Variants in NAT10 observed in about 807,000 individuals in gnomAD.
NAT10 encodes the protein N-acetyltransferase 10.
NAT10 carries 109 observed loss-of-function variants against 132.2 expected under a neutral mutation model. That is an observed-to-expected ratio of 0.82 (90% CI 0.71 to 0.97). NAT10 has a LOEUF of 0.97. Ranked by LOEUF, NAT10 falls within the 50% of genes least tolerant of loss-of-function variation. The pLI is 0.00. For synonymous variants in NAT10, 479 were observed against 478.0 expected (o/e 1.00, Z -0.03); for missense variants, 1,184 against 1,263.4 (o/e 0.94, Z 0.95).
rs374360842 is a variant in NAT10 at position 34,141,049 on chromosome 11, G to A, written c.2593-40G>A. The A allele has an allele frequency of 7.4e-5, 120 of 1,613,114 alleles. No homozygotes were observed. In the Middle Eastern group the frequency reaches 8.2e-4, roughly 11 times the overall value. ...TGGCGCCATTTTAATGGGCAAGGGC[G>A]TGTCCTAGAGGCCCACCCAGCAGAT... On this transcript the variant is annotated intron_variant, in intron 24 of 28. Transcript: ENST00000257829.
At chr11:34,111,266 A>T (rs990806382) in intron 3 of NAT10, among the ~76,000 whole-genome samples, 3 of 152,240 alleles carry the variant, frequency 2.0e-5, no homozygotes, top group Non-Finnish European at 4.4e-5. Context: ...CACGGGCTTA[A>T]GGCCTGAGCC....
Position 34,141,073 on chromosome 11 carries a change from A to G in NAT10, c.2593-16A>G. 1.2e-6 allele frequency: 2 copies of G among 1,613,636 alleles called. No individual in the cohort carries two copies. Among genetic ancestry groups the G allele is most frequent in the Non-Finnish European group, 1.7e-6 (2 of 1,179,900 alleles). ...CGTGTCCTAGAGGCCCACCCAGCAG[A>G]TTTTCCATCCTTTAGGCTCTTCTCT... On this transcript the variant is annotated splice_polypyrimidine_tract_variant and intron_variant, in intron 24 of 28. Transcript: ENST00000257829.
At chr11:34,122,620 G>A in intron 9 of NAT10, 28 bp downstream of exon 9, 6 of 1,611,850 alleles carry the variant, frequency 3.7e-6, no homozygotes, top group Non-Finnish European at 5.1e-6. Flanking sequence ...CCCATCTTTA[G>A]GAACTCTGGG....
At chr11:34,106,377 T>C (rs1229011480) in intron 1 of NAT10, among the ~76,000 whole-genome samples, 1 of 151,856 alleles carries the variant, frequency 6.6e-6, no homozygotes, top group African/African-American at 2.4e-5. Context: ...CAGCCCATAG[T>C]AATCTCAGCC....
At chr11:34,134,628 G>T in intron 18 of NAT10, 42 bp downstream of exon 18, 1 of 1,594,418 alleles carries the variant, frequency 6.3e-7, no homozygotes, top group Non-Finnish European at 8.6e-7. Flanking sequence ...GTTGCTGGCG[G>T]TGCTTTAGGG....
chr11:34,108,137 C>T, intron 1 of NAT10, 74 bp from the exon 2 acceptor site: 1 of 997,162 alleles, frequency 1.0e-6, no homozygotes, highest in Non-Finnish European at 1.6e-6. Flanking sequence ...GTCCCAGGCC[C>T]CACAAAAGGC....
chr11:34,106,786 C>T lies in NAT10; in HGVS notation c.-16+994C>T, dbSNP rs115722793. 1.5e-3 allele frequency among the ~76,000 whole-genome samples: 226 copies of T among 152,224 alleles called. 2 individuals carry two copies. Among genetic ancestry groups the T allele is most frequent in the African/African-American group, 5.3e-3 (219 of 41,524 alleles). On this transcript the variant is annotated intron_variant, in intron 1 of 28. Coordinates refer to ENST00000257829, the MANE Select transcript of NAT10 (RefSeq NM_024662.3). ...TATAAATTGGGGTCCTTGACAGTGA[C>T]TTAGTGTTTTATAGTAAGACATATG... is the stretch of plus-strand genomic sequence containing the variant.
intron 1 of NAT10, chr11:34,106,145 A>C (rs980340286): frequency 7.2e-5 from 11 of 152,370 alleles, no homozygotes; most frequent in African/African-American, 2.4e-4. Flanking sequence ...CATTATACTT[A>C]GGGTAATCTG....
intron 15 of NAT10, among the ~76,000 whole-genome samples, chr11:34,132,713 TAGC>T (rs1212753217): frequency 6.6e-6 from 1 of 152,220 alleles, no homozygotes; most frequent in African/African-American, 2.4e-5. Flanking sequence ...TTTCCTGAAA[TAGC>T]AGCCTCTTAT....
At chr11:34,117,597 G>A (rs1851803805) in intron 6 of NAT10, among the ~76,000 whole-genome samples, 1 of 152,212 alleles carries the variant, frequency 6.6e-6, no homozygotes, top group Admixed American at 6.5e-5. Context: ...GCAGCTGTGT[G>A]CTACTGAATA....
rs772453274 is a variant in NAT10, at chr11:34,108,818, A to C, written c.185A>C (p.Glu62Ala). 1.2e-5 allele frequency: 20 copies of C among 1,613,648 alleles called. No homozygotes were observed. In the African/African-American group the frequency reaches 1.7e-4, roughly 14 times the overall value. Residue 62 changes from glutamate to alanine, a missense_variant, in exon 3 of 29, where the codon GAG becomes GCG. Physicochemically the swap from Glu to Ala is moderately radical, Grantham distance 107 (BLOSUM62 -1). Transcript: ENST00000257829. ...TCAGTGCTGTGGTGTTATAAGAAAGAGCTGGGGTTTAGCAGGTAAGCTGGG... is the reference window on the plus strand; with the variant it reads ...TCAGTGCTGTGGTGTTATAAGAAAGCGCTGGGGTTTAGCAGGTAAGCTGGG... ...RPSVLWCYKK[E>A]LGFSSHRKKR...
rs747541429 is a variant in NAT10, at chr11:34,141,162, G to T, written c.2666G>T (p.Gly889Val). The T allele has an allele frequency of 6.2e-7, 1 of 1,614,000 alleles. No homozygotes were observed. The highest frequency in any genetic ancestry group is 8.5e-7 in the Non-Finnish European group (1 of 1,180,008). ...GAAAAGGAGATTGAGCTGCCCTCGG[G>T]CCAGTTGATGGGACTTTTCAACCGG... The part of the protein sequence containing the change: ...QLEKEIELPS[G>V]QLMGLFNRII... Residue 889 changes from glycine to valine, a missense_variant, in exon 25 of 29, where the codon GGC becomes GTC. Coordinates refer to ENST00000257829, the MANE Select transcript of NAT10 (RefSeq NM_024662.3).
chr11:34,130,444 A>T (rs1376737147), intron 12 of NAT10, among the ~76,000 whole-genome samples: 1 of 152,194 alleles, frequency 6.6e-6, no homozygotes, highest in African/African-American at 2.4e-5. Flanking sequence ...TAAAGCCTTT[A>T]TGCTAAAGGC....
intron 7 of NAT10, 40 bp downstream of exon 7, chr11:34,118,334 C>T (rs200178322): frequency 1.7e-4 from 267 of 1,611,018 alleles, no homozygotes; most frequent in East Asian, 4.7e-4. Flanking sequence ...GGGGAGGCTA[C>T]GTTTTCTGTG....
rs982923149 is a variant in NAT10, at chr11:34,128,047, C to T, written c.1244+448C>T. On this transcript the variant is annotated intron_variant, in intron 12 of 28. Coordinates refer to ENST00000257829, the MANE Select transcript of NAT10 (RefSeq NM_024662.3). Reference sequence around the variant, plus strand: ...AGTGTTGGCTATTGAAAAATTAGAACAGGTAAGCAAAAGAAAAATCACCTG... The same window carrying T: ...AGTGTTGGCTATTGAAAAATTAGAATAGGTAAGCAAAAGAAAAATCACCTG... Among the ~76,000 whole-genome samples, 3 of 151,868 alleles carry T rather than the reference C, an allele frequency of 2.0e-5. No individual in the cohort carries two copies. In the East Asian group the frequency reaches 5.8e-4, roughly 29 times the overall value.
chr11:34,136,304 ACT>A (rs1475204119), intron 19 of NAT10, among the ~76,000 whole-genome samples: 5 of 150,682 alleles, frequency 3.3e-5, no homozygotes, highest in African/African-American at 1.2e-4. Flanking sequence ...CTGGTCTCAA[ACT>A]CCTGACCTCA....
chr11:34,121,205 C>T (rs148538317), intron 8 of NAT10, among the ~76,000 whole-genome samples: 11 of 152,196 alleles, frequency 7.2e-5, no homozygotes, highest in African/African-American at 1.4e-4. Flanking sequence ...TTAAGAGGAT[C>T]GTCTGGCTGC....
intron 1 of NAT10, among the ~76,000 whole-genome samples, chr11:34,106,416 T>C (rs947819155): frequency 1.5e-4 from 22 of 150,370 alleles, no homozygotes; most frequent in African/African-American, 4.9e-4. Context: ...TCCCTCAGTA[T>C]AGCTATTTTT....
chr11:34,132,373 G>A, intron 15 of NAT10, 152 bp downstream of exon 15: 1 of 695,632 alleles, frequency 1.4e-6, no homozygotes, highest in Non-Finnish European at 2.6e-6. Context: ...CTGTGTGTAG[G>A]TATAGAGCAT....
Sources: allele counts gnomAD v4.1 joint callset (sites outside exome capture counted in the v4.1 genomes callset), GRCh38; gene constraint gnomAD v4.1.1; transcripts MANE v1.5; gene names NCBI Gene and HGNC (gene_info 2026-07-23, HGNC 2026-07-21).